The following PRKAA1 variants were observed in gnomAD, a reference collection of about 807,000 sequenced individuals.
PRKAA1 encodes the protein protein kinase AMP-activated catalytic subunit alpha 1, also known as 5'-AMP-activated protein kinase catalytic subunit alpha-1.
A neutral mutation model predicts 56.9 loss-of-function variants in PRKAA1; 23 were observed. The ratio of observed to expected loss-of-function variants is 0.40; its 90% confidence interval spans 0.29 to 0.57. PRKAA1 has a LOEUF of 0.57. Among genes scored for constraint, PRKAA1 ranks in the 20% least tolerant of loss-of-function variants. The probability of loss-of-function intolerance (pLI) is 0.39; values close to 1 mark genes in which losing one functional copy is unlikely to be tolerated. For synonymous variants in PRKAA1, 226 were observed against 227.0 expected (o/e 1.00, Z 0.04); for missense variants, 413 against 679.7 (o/e 0.61, Z 4.36).
At chr5:40,772,851 C>A (rs1235798948) in intron 3 of PRKAA1, among the ~76,000 whole-genome samples, 2 of 152,180 alleles carry the variant, frequency 1.3e-5, no homozygotes, top group Non-Finnish European at 2.9e-5. Flanking sequence ...CCAGGCTGGT[C>A]TCGAACTCCT....
In PRKAA1 at chr5:40,767,627, A is replaced by G; in HGVS notation, c.660T>C (p.Cys220=). The G allele has an allele frequency of 6.2e-7, 1 of 1,613,916 alleles. No individual in the cohort carries two copies. The highest frequency in any genetic ancestry group is 1.1e-5 in the South Asian group (1 of 91,080). ...SSGVILYALL[C]GTLPFDDDHV... is the part of the protein sequence containing the mutation. ...GGTCATCATCAAATGGAAGGGTTCC[A>G]CATAATAAAGCATAGAGAATAACCC... Residue 220 remains cysteine, a synonymous_variant, in exon 6 of 9, where the codon TGT becomes TGC. Coordinates refer to ENST00000397128, the MANE Select transcript of PRKAA1 (RefSeq NM_006251.6).
intron 2 of PRKAA1, among the ~76,000 whole-genome samples, chr5:40,776,463 A>T (rs1224157405): frequency 6.6e-6 from 1 of 152,218 alleles, no homozygotes; most frequent in African/African-American, 2.4e-5. Flanking sequence ...GTAAGAAGAG[A>T]TCTTAAAGCA....
intron 6 of PRKAA1, 152 bp from the exon 7 acceptor site, chr5:40,765,390 T>G (rs1237866954): frequency 3.3e-6 from 3 of 907,790 alleles, no homozygotes; most frequent in Admixed American, 3.3e-5. Flanking sequence ...CTCTTCTAGC[T>G]CGCACTTCAT....
At chr5:40,773,829 A>G (rs1267169844) in intron 3 of PRKAA1, among the ~76,000 whole-genome samples, 1 of 152,216 alleles carries the variant, frequency 6.6e-6, no homozygotes, top group African/African-American at 2.4e-5. Context: ...TAAGACCTAT[A>G]ATTTACTCTA....
intron 5 of PRKAA1, 150 bp from the exon 6 acceptor site, chr5:40,767,840 C>T (rs1743537752): frequency 4.4e-6 from 3 of 675,392 alleles, no homozygotes; most frequent in Non-Finnish European, 7.2e-6. Flanking sequence ...TTAATTCCAT[C>T]AGTATTATCT....
At chr5:40,796,115 G>A (rs1056625466) in intron 1 of PRKAA1, among the ~76,000 whole-genome samples, 13 of 152,068 alleles carry the variant, frequency 8.5e-5, no homozygotes, top group African/African-American at 2.7e-4. Flanking sequence ...TCAGGAGTTC[G>A]AGACCAGCCG....
At chr5:40,785,878 A>C (rs796507360) in intron 1 of PRKAA1, among the ~76,000 whole-genome samples, 56 of 149,154 alleles carry the variant, frequency 3.8e-4, no homozygotes, top group African/African-American at 1.2e-3. Flanking sequence ...AGAGAGAGAG[A>C]GCAAGCGAGC....
At chr5:40,769,683 T>C (rs1386511191) in intron 4 of PRKAA1, among the ~76,000 whole-genome samples, 180 bp from the exon 5 acceptor site, 1 of 152,130 alleles carries the variant, frequency 6.6e-6, no homozygotes, top group Non-Finnish European at 1.5e-5. Flanking sequence ...AAATGTGTAA[T>C]CTATTTCAAC....
At chr5:40,774,903 T>C in intron 3 of PRKAA1, 1 of 1,558,034 alleles carries the variant, frequency 6.4e-7, no homozygotes. Context: ...CTTCCAGCTG[T>C]AAATTCTTTA....
intron 1 of PRKAA1, among the ~76,000 whole-genome samples, chr5:40,793,724 C>T (rs1744809168): frequency 6.6e-6 from 1 of 152,158 alleles, no homozygotes; most frequent in Non-Finnish European, 1.5e-5. Flanking sequence ...CACTGAGTAT[C>T]CATGTCCCCC....
At chr5:40,795,034 C>A (rs565256955) in intron 1 of PRKAA1, among the ~76,000 whole-genome samples, 2 of 146,040 alleles carry the variant, frequency 1.4e-5, no homozygotes, top group Non-Finnish European at 1.5e-5. Flanking sequence ...CACACACACA[C>A]AAAATGGAAT....
chr5:40,769,042 T>C, intron 5 of PRKAA1: 2 of 808,282 alleles, frequency 2.5e-6, no homozygotes, highest in East Asian at 5.6e-5. Context: ...TACTACAAAA[T>C]GCCATCTATG....
intron 1 of PRKAA1, among the ~76,000 whole-genome samples, chr5:40,789,056 C>A (rs555998760): frequency 6.6e-6 from 1 of 151,644 alleles, no homozygotes; most frequent in South Asian, 2.1e-4. Context: ...ATAAAACATA[C>A]ATAAATTAGC....
Position 40,762,783 on chromosome 5 carries a change from G to A in PRKAA1, c.1675C>T (p.Gln559Ter). 1.9e-6 allele frequency: 3 copies of A among 1,613,876 alleles called. No individual in the cohort carries two copies. The highest frequency in any genetic ancestry group is 2.5e-6 in the Non-Finnish European group (3 of 1,179,848). The change falls in exon 9 of 9, where the codon CAA (glutamine) becomes TAA (stop). Residue 559 changes from glutamine (Q) to a stop codon, truncating the protein, a stop_gained. Transcript: ENST00000397128. LOFTEE classifies it high-confidence loss of function. The stretch of plus-strand genomic sequence containing the variant: ...AAATAAGCAAAGTTTTCTGTTTATT[G>A]TGCAAGAATTTTAATTAGATTTGCA... ...MCANLIKILA[Q>*]
chr5:40,781,738 GA>G (rs1375723656), intron 1 of PRKAA1, among the ~76,000 whole-genome samples: 2 of 152,070 alleles, frequency 1.3e-5, no homozygotes, highest in East Asian at 3.9e-4. Context: ...CCACAATTAT[GA>G]AAAAACCAAA....
rs767727248 is a variant in PRKAA1 at position 40,777,513 on chromosome 5, A to G, written c.201T>C (p.Asp67=). Residue 67 remains aspartate (D), a synonymous_variant, in exon 2 of 9, where the codon GAT becomes GAC. Transcript: ENST00000397128. ...ILNRQKIRSL[D]VVGKIRREIQ... is the part of the protein sequence containing the mutation. ...TTTCTCTGCGGATTTTTCCTACCAC[A>G]TCAAGGCTCCGAATCTTCTGTCGAT... 6.2e-7 allele frequency: 1 copy of G among 1,613,782 alleles called. No individual in the cohort carries two copies. Among genetic ancestry groups the G allele is most frequent in the Admixed American group, 1.7e-5 (1 of 60,028 alleles).
intron 1 of PRKAA1, among the ~76,000 whole-genome samples, chr5:40,792,997 G>A (rs1157365820): frequency 6.6e-6 from 1 of 151,610 alleles, no homozygotes; most frequent in African/African-American, 2.4e-5. Flanking sequence ...AACCCGGGAG[G>A]TGGAAGTTGC....
intron 6 of PRKAA1, 106 bp from the exon 7 acceptor site, chr5:40,765,344 T>C (rs1743379256): frequency 3.1e-6 from 4 of 1,300,752 alleles, no homozygotes; most frequent in Non-Finnish European, 3.1e-6. Flanking sequence ...TTTATATTCA[T>C]ACTGTATTAT....
chr5:40,791,554 C>T (rs1171188187), intron 1 of PRKAA1, among the ~76,000 whole-genome samples: 1 of 152,158 alleles, frequency 6.6e-6, no homozygotes, highest in Non-Finnish European at 1.5e-5. Flanking sequence ...TACTTTGAAA[C>T]AGAGGATTTT....
Sources: allele counts gnomAD v4.1 joint callset (sites outside exome capture counted in the v4.1 genomes callset), GRCh38; gene constraint gnomAD v4.1.1; transcripts MANE v1.5; gene names NCBI Gene and HGNC (gene_info 2026-07-23, HGNC 2026-07-21).